The following PSMC3 variants were observed in gnomAD, a reference collection of about 807,000 sequenced individuals.
PSMC3 encodes 26S proteasome regulatory subunit 6A.
Under a neutral mutation model 52.0 loss-of-function variants are expected in PSMC3, and 11 were observed. The observed-to-expected ratio is 0.21, with a 90% CI of 0.13 to 0.35. The LOEUF is 0.35. PSMC3 is among the 10% of genes least tolerant of loss of function. The probability of loss-of-function intolerance (pLI) is 1.00; values close to 1 mark genes in which losing one functional copy is unlikely to be tolerated. For synonymous variants in PSMC3, 201 were observed against 218.8 expected (o/e 0.92, Z 0.72); for missense variants, 238 against 567.1 (o/e 0.42, Z 5.89).
At chr11:47,420,088 G>A (rs541545477) in intron 10 of PSMC3, among the ~76,000 whole-genome samples, 176 bp downstream of exon 10, 40 of 152,234 alleles carry the variant, frequency 2.6e-4, no homozygotes, top group African/African-American at 7.9e-4. Context: ...CTGGCAAGAC[G>A]CTACATCACA....
intron 8 of PSMC3, 89 bp from the exon 9 acceptor site, chr11:47,420,816 C>CGT: frequency 1.7e-6 from 2 of 1,194,802 alleles, no homozygotes. Context: ...TAACCTAACC[C>CGT]GTCCAGGGCA....
At chr11:47,420,495 A>C in intron 9 of PSMC3, 86 bp from the exon 10 acceptor site, 1 of 1,544,820 alleles carries the variant, frequency 6.5e-7, no homozygotes, top group Non-Finnish European at 8.8e-7. Flanking sequence ...GGCAGCCCCC[A>C]GAGTGCAGGT....
chr11:47,419,867 A>T (rs562411030), intron 10 of PSMC3, among the ~76,000 whole-genome samples: 7 of 139,756 alleles, frequency 5.0e-5, no homozygotes, highest in South Asian at 2.2e-4. Context: ...TCCAAAAATT[A>T]AAAAAAAAAA....
At position 47,426,338 on chromosome 11, in the gene PSMC3, C is replaced by G. The variant is rs1032899629; in HGVS notation, c.-59G>C. ...CGGGAGCCGCAACGGGAGATTAATA[C>G]CGTCTTTCTTAAAGCCTTCTCTTGA... is the stretch of plus-strand genomic sequence containing the variant. On this transcript the variant is annotated 5_prime_UTR_variant, in exon 1 of 12. Transcript: ENST00000298852. 1.4e-6 allele frequency: 2 copies of G among 1,426,076 alleles called. No individual in the cohort carries two copies. Among genetic ancestry groups the G allele is most frequent in the Non-Finnish European group, 1.9e-6 (2 of 1,046,074 alleles). The allele number at this position is 1,426,076 out of a possible 1,614,324, so 88.3% of individuals were successfully genotyped here.
Position 47,426,401 on chromosome 11 carries a change from A to C in PSMC3, c.-122T>G. On this transcript the variant is annotated 5_prime_UTR_variant, in exon 1 of 12. Coordinates refer to ENST00000298852, the MANE Select transcript of PSMC3 (RefSeq NM_002804.5). Reference sequence around the variant, plus strand: ...CTCTCCCCACAAATCCCGACTCTTGACCCGACCAGCTCCGGCCGTGCTGCG... The same window carrying C: ...CTCTCCCCACAAATCCCGACTCTTGCCCCGACCAGCTCCGGCCGTGCTGCG... 1.1e-6 allele frequency: 1 copy of C among 907,268 alleles called. No individual in the cohort carries two copies. The allele number at this position is 907,268 out of a possible 1,614,324, so 56.2% of individuals were successfully genotyped here.
chr11:47,426,379 T>C lies in PSMC3; in HGVS notation c.-100A>G. 9.4e-7 allele frequency: 1 copy of C among 1,068,948 alleles called. No individual in the cohort carries two copies. Among genetic ancestry groups the C allele is most frequent in the Non-Finnish European group, 1.3e-6 (1 of 754,596 alleles). 66.2% of individuals were successfully genotyped at this position (1,068,948 alleles called of 1,614,324 possible). On this transcript the variant is annotated 5_prime_UTR_variant, in exon 1 of 12. Coordinates refer to ENST00000298852, the MANE Select transcript of PSMC3 (RefSeq NM_002804.5). The stretch of plus-strand genomic sequence containing the variant: ...CTTCTCTTGACCAGTGGAAAACCTC[T>C]CCCCACAAATCCCGACTCTTGACCC...
At position 47,422,778 on chromosome 11, in the gene PSMC3, G is replaced by A; in HGVS notation, c.735+52C>T. The A allele has an allele frequency of 6.2e-7, 1 of 1,607,924 alleles. No homozygotes were observed. The highest frequency in any genetic ancestry group is 1.1e-5 in the South Asian group (1 of 90,788). On this transcript the variant is annotated intron_variant, in intron 7 of 11. Transcript: ENST00000298852. The surrounding 1 kb of genome is among the most constrained non-coding windows in gnomAD (Gnocchi z 4.3). ...AAGGCAGACCCTTTGAGCCCATCTG[G>A]TAGAGTTTCTGCTCCTGCCCACTTC...
intron 8 of PSMC3, 124 bp from the exon 9 acceptor site, chr11:47,420,851 G>A (rs1595891541): frequency 1.3e-6 from 1 of 768,726 alleles, no homozygotes; most frequent in East Asian, 2.7e-5. Flanking sequence ...TCAACTTGGG[G>A]CCCCCAGCCC....
chr11:47,422,717 G>A lies in PSMC3; in HGVS notation c.741C>T (p.Thr247=), dbSNP rs1788220582. Residue 247 remains threonine (T), a synonymous_variant, in exon 8 of 12, where the codon ACC becomes ACT. Coordinates refer to ENST00000298852, the MANE Select transcript of PSMC3 (RefSeq NM_002804.5). This position sits in a 1 kb window ranked among gnomAD's most constrained non-coding sequence, Gnocchi z 4.3. Reference sequence around the variant, plus strand: ...GCTGGGGGCCAGCCAGCTTTAGGAAGGTGGCCTGGCAGGAAAAGGTGGTAG... The same window carrying A: ...GCTGGGGGCCAGCCAGCTTTAGGAAAGTGGCCTGGCAGGAAAAGGTGGTAG... ...ARACAAQTKA[T]FLKLAGPQLV... 6.2e-7 allele frequency: 1 copy of A among 1,614,032 alleles called. No individual in the cohort carries two copies. Among genetic ancestry groups the A allele is most frequent in the African/African-American group, 1.3e-5 (1 of 74,920 alleles).
In PSMC3 at chr11:47,420,640, G is replaced by C. The variant is rs1340174263; in HGVS notation, c.972C>G (p.Thr324=). ...GAGTGCTAATACTCACCTTAACTTGGGTGTTGGGCTGGAAGCCATCCAGCT... is the reference window on the plus strand; with the variant it reads ...GAGTGCTAATACTCACCTTAACTTGCGTGTTGGGCTGGAAGCCATCCAGCT... The part of the protein sequence containing the change: ...LNQLDGFQPN[T]QVKVIAATNR... The change falls in exon 9 of 12, where the codon ACC becomes ACG. Residue 324 remains threonine, a synonymous_variant. Coordinates refer to ENST00000298852, the MANE Select transcript of PSMC3 (RefSeq NM_002804.5). The C allele has an allele frequency of 1.9e-6, 3 of 1,552,300 alleles. No individual in the cohort carries two copies. Among genetic ancestry groups the C allele is most frequent in the Non-Finnish European group, 2.6e-6 (3 of 1,147,234 alleles).
Position 47,422,529 on chromosome 11 carries a change from C to T in PSMC3, c.884+45G>A, listed in dbSNP as rs2096041809. On this transcript the variant is annotated intron_variant, in intron 8 of 11. Coordinates refer to ENST00000298852, the MANE Select transcript of PSMC3 (RefSeq NM_002804.5). The surrounding 1 kb of genome is among the most constrained non-coding windows in gnomAD (Gnocchi z 4.3). Reference sequence around the variant, plus strand: ...CACAACTGAGAGTCAACCCGCTTCCCCTTACCGCCACAGAGATCGCTAGGG... The same window carrying T: ...CACAACTGAGAGTCAACCCGCTTCCTCTTACCGCCACAGAGATCGCTAGGG... 15 of 1,607,162 alleles carry T rather than the reference C, an allele frequency of 9.3e-6. No homozygotes were observed. Among genetic ancestry groups the T allele is most frequent in the Middle Eastern group, 1.7e-4 (1 of 6,034 alleles).
At chr11:47,426,101 C>G in intron 1 of PSMC3, 104 bp downstream of exon 1, 1 of 1,439,626 alleles carries the variant, frequency 6.9e-7, no homozygotes, top group Non-Finnish European at 9.5e-7. Context: ...ACCCCGTCCC[C>G]GGGATCGGGC....
rs1418975980 is a variant in PSMC3 at position 47,426,354 on chromosome 11, C to T, written c.-75G>A. 1.5e-6 allele frequency: 2 copies of T among 1,334,788 alleles called. No homozygotes were observed. Among genetic ancestry groups the T allele is most frequent in the Admixed American group, 4.5e-5 (2 of 44,186 alleles). The allele number at this position is 1,334,788 out of a possible 1,614,324, so 82.7% of individuals were successfully genotyped here. ...AGATTAATACCGTCTTTCTTAAAGC[C>T]TTCTCTTGACCAGTGGAAAACCTCT... is the stretch of plus-strand genomic sequence containing the variant. On this transcript the variant is annotated 5_prime_UTR_variant, in exon 1 of 12. Coordinates refer to ENST00000298852, the MANE Select transcript of PSMC3 (RefSeq NM_002804.5).
At chr11:47,423,400 G>A (rs1317968056) in intron 6 of PSMC3, among the ~76,000 whole-genome samples, 13 of 148,408 alleles carry the variant, frequency 8.8e-5, no homozygotes, top group Non-Finnish European at 1.8e-4. Context: ...GCAAGACTCC[G>A]TCACAAAAAA....
At chr11:47,426,108 G>C in intron 1 of PSMC3, 97 bp downstream of exon 1, 2 of 1,454,258 alleles carry the variant, frequency 1.4e-6, no homozygotes, top group Non-Finnish European at 1.9e-6. Flanking sequence ...CCCCGGGATC[G>C]GGCCAGACCT....
chr11:47,422,744 G>A lies in PSMC3; in HGVS notation c.736-22C>T, dbSNP rs373128629. ...TGGCCTGGCAGGAAAAGGTGGTAGA[G>A]TCAGGTCAAAGGCAGACCCTTTGAG... On this transcript the variant is annotated intron_variant, in intron 7 of 11. Coordinates refer to ENST00000298852, the MANE Select transcript of PSMC3 (RefSeq NM_002804.5). The surrounding 1 kb of genome is among the most constrained non-coding windows in gnomAD (Gnocchi z 4.3). 3 of 1,614,020 alleles carry A rather than the reference G, an allele frequency of 1.9e-6. No individual in the cohort carries two copies. The highest frequency in any genetic ancestry group is 2.5e-6 in the Non-Finnish European group (3 of 1,179,938).
intron 10 of PSMC3, among the ~76,000 whole-genome samples, chr11:47,419,433 G>C (rs1315635637): frequency 6.6e-6 from 1 of 152,192 alleles, no homozygotes; most frequent in African/African-American, 2.4e-5. Flanking sequence ...TGGCCTTCTA[G>C]AAATCTGCAT....
rs191748773 is a variant in PSMC3 at position 47,420,628 on chromosome 11, C to G, written c.981+3G>C. ...ATCTTTGCCTGGGAGTGCTAATACT[C>G]ACCTTAACTTGGGTGTTGGGCTGGA... On this transcript the variant is annotated splice_donor_region_variant and intron_variant, in intron 9 of 11. Coordinates refer to ENST00000298852, the MANE Select transcript of PSMC3 (RefSeq NM_002804.5). 31 of 1,551,802 alleles carry G rather than the reference C, an allele frequency of 2.0e-5. No homozygotes were observed. The African/African-American group carries it at 3.8e-4, about 19-fold the overall frequency.
intron 6 of PSMC3, among the ~76,000 whole-genome samples, chr11:47,423,549 G>A (rs1435547794): frequency 6.6e-6 from 1 of 152,184 alleles, no homozygotes; most frequent in Non-Finnish European, 1.5e-5. Flanking sequence ...CACTTTGGGA[G>A]GCCAAGGCAC....
Sources: gnomAD v4.1 joint callset for allele counts (sites outside exome capture counted in the v4.1 genomes callset) on GRCh38, gnomAD v4.1.1 for gene constraint, Gnocchi (gnomAD v3.1) non-coding constraint, MANE v1.5 for transcripts, NCBI Gene and HGNC (gene_info 2026-07-23, HGNC 2026-07-21) for gene names.